Variants in CNTN6 observed in about 807,000 individuals in gnomAD.
CNTN6 encodes contactin-6.
CNTN6 carries 137 observed loss-of-function variants against 122.8 expected under a neutral mutation model. The ratio of observed to expected loss-of-function variants is 1.12; its 90% CI spans 0.97 to 1.29. The LOEUF is 1.29. Among genes scored for constraint, CNTN6 ranks in the 50% most tolerant of loss-of-function variants. The pLI is 0.00. For synonymous variants in CNTN6, 570 were observed against 426.0 expected (o/e 1.34, Z -4.16); for missense variants, 1,634 against 1,223.4 (o/e 1.34, Z -5.01).
chr3:1,322,590 AC>A (rs1258112006), intron 8 of CNTN6, among the ~76,000 whole-genome samples: 16 of 151,658 alleles, frequency 1.1e-4, no homozygotes, highest in Non-Finnish European at 2.2e-4. Context: ...TTCCTATGTG[AC>A]ATGTTTATAA....
chr3:1,181,112 CT>C (rs200132867), intron 2 of CNTN6, among the ~76,000 whole-genome samples: 1 of 152,022 alleles, frequency 6.6e-6, no homozygotes, highest in Non-Finnish European at 1.5e-5. Flanking sequence ...AGTGTATGAC[CT>C]TTTTTCCCCT....
chr3:1,393,408 G>A (rs1460614450), intron 20 of CNTN6, among the ~76,000 whole-genome samples: 1 of 120,404 alleles, frequency 8.3e-6, no homozygotes, highest in Non-Finnish European at 1.7e-5. Context: ...GGACTGTGGT[G>A]AGGTGGGGGG....
In CNTN6 at chr3:1,385,734, G is replaced by A; in HGVS notation, c.2641G>A (p.Ala881Thr). The A allele has an allele frequency of 6.2e-7, 1 of 1,614,094 alleles. No homozygotes were observed. Among genetic ancestry groups the A allele is most frequent in the South Asian group, 1.1e-5 (1 of 91,078 alleles). Residue 881 changes from alanine to threonine, a missense_variant, in exon 20 of 23, where the codon GCT (alanine) becomes ACT (threonine). Coordinates refer to ENST00000446702, the MANE Select transcript of CNTN6 (RefSeq NM_001289080.2). ...ANTIYFASVR[A>T]YNTAGTGPSS... ...TACCATCTACTTTGCTTCCGTAAGA[G>A]CTTACAACACTGCTGGGACAGGGCC... is the stretch of plus-strand genomic sequence containing the variant.
chr3:1,156,673 TCCTTCCTTTCCC>T (rs923611411), intron 2 of CNTN6, among the ~76,000 whole-genome samples: 49 of 101,406 alleles, frequency 4.8e-4, no homozygotes, highest in African/African-American at 2.7e-3. Context: ...CTTCCTTCCT[TCCTTCCTTTCCC>T]TCCCTCCCTT....
intron 1 of CNTN6, among the ~76,000 whole-genome samples, chr3:1,106,306 C>T (rs146848841): frequency 8.5e-4 from 130 of 152,206 alleles, no homozygotes; most frequent in African/African-American, 3.0e-3. Context: ...ATAGTCAGAA[C>T]AAGAAAGAAC....
chr3:1,252,467 A>T (rs1283630137), intron 4 of CNTN6, among the ~76,000 whole-genome samples: 1 of 152,272 alleles, frequency 6.6e-6, no homozygotes, highest in African/African-American at 2.4e-5. Context: ...TTCTTCTAAA[A>T]TTTTTTCTTA....
At chr3:1,099,995 G>A (rs938797325) in intron 1 of CNTN6, among the ~76,000 whole-genome samples, 1 of 152,046 alleles carries the variant, frequency 6.6e-6, no homozygotes, top group African/African-American at 2.4e-5. Flanking sequence ...ACAATGACTT[G>A]TTTAAATTTA....
At chr3:1,252,175 T>G (rs1298499800) in intron 4 of CNTN6, among the ~76,000 whole-genome samples, 1 of 152,206 alleles carries the variant, frequency 6.6e-6, no homozygotes, top group African/African-American at 2.4e-5. Flanking sequence ...TTGCCTAGCT[T>G]GCCTTTCCCT....
intron 11 of CNTN6, among the ~76,000 whole-genome samples, chr3:1,348,045 C>A (rs979714153): frequency 4.0e-5 from 6 of 150,904 alleles, no homozygotes; most frequent in African/African-American, 1.5e-4. Context: ...TGAAAGCCTA[C>A]CTATTGACTG....
At chr3:1,114,123 G>A (rs1368693733) in intron 1 of CNTN6, among the ~76,000 whole-genome samples, 1 of 152,166 alleles carries the variant, frequency 6.6e-6, no homozygotes, top group Non-Finnish European at 1.5e-5. Context: ...TACACTCTTC[G>A]GTTCTGTGTG....
At chr3:1,199,174 G>GATT (rs2093823598) in intron 2 of CNTN6, among the ~76,000 whole-genome samples, 1 of 109,062 alleles carries the variant, frequency 9.2e-6, no homozygotes, top group Non-Finnish European at 1.9e-5. Context: ...GACAATATAT[G>GATT]CTTTTTTTTT....
chr3:1,379,018 A>C (rs568391633), intron 17 of CNTN6, among the ~76,000 whole-genome samples: 1 of 152,184 alleles, frequency 6.6e-6, no homozygotes, highest in Non-Finnish European at 1.5e-5. Flanking sequence ...CCAAATAAGC[A>C]TTATCATCAT....
At position 1,305,605 on chromosome 3, in the gene CNTN6, T is replaced by A. The variant is rs186173968; in HGVS notation, c.761+7614T>A. On this transcript the variant is annotated intron_variant, in intron 7 of 22. Transcript: ENST00000446702. ...TATGGGCTCTTGCTGAGTGAAGAAA[T>A]TAAACTGATATCCCCCATAACTCTA... Among the ~76,000 whole-genome samples, 11 of 152,274 alleles carry A rather than the reference T, an allele frequency of 7.2e-5. No homozygotes were observed. In the East Asian group the frequency reaches 2.1e-3, roughly 29 times the overall value.
chr3:1,220,401 A>G (rs1033470159), intron 2 of CNTN6, among the ~76,000 whole-genome samples: 1 of 152,082 alleles, frequency 6.6e-6, no homozygotes, highest in Admixed American at 6.6e-5. Flanking sequence ...GGACCTGAAG[A>G]TTAGCTGCTT....
At position 1,338,391 on chromosome 3, in the gene CNTN6, C is replaced by T. The variant is rs891351234; in HGVS notation, c.1364+8456C>T. Among the ~76,000 whole-genome samples the T allele has an allele frequency of 1.2e-4, 18 of 152,120 alleles. 1 individual carries two copies. Among genetic ancestry groups the T allele is most frequent in the African/African-American group, 2.7e-4 (11 of 41,506 alleles). ...AGTAGGTGTGGAATAGGTTAAGGAA[C>T]CTGAATTTGTGTAAGTTCACTCCCT... On this transcript the variant is annotated intron_variant, in intron 11 of 22. Transcript: ENST00000446702.
chr3:1,274,981 T>C lies in CNTN6; in HGVS notation c.359-3432T>C, dbSNP rs531949059. Among the ~76,000 whole-genome samples, 4 of 147,530 alleles carry C rather than the reference T, an allele frequency of 2.7e-5. No homozygotes were observed. In the East Asian group the frequency reaches 7.7e-4, roughly 28 times the overall value. On this transcript the variant is annotated intron_variant, in intron 4 of 22. Transcript: ENST00000446702. The stretch of plus-strand genomic sequence containing the variant: ...AACGCCCCCACCCAAATCAGTTTGA[T>C]TGAAAAATTTGAAACCAGCACCAAA...
chr3:1,251,292 C>A (rs1159433949), intron 4 of CNTN6, among the ~76,000 whole-genome samples: 1 of 152,076 alleles, frequency 6.6e-6, no homozygotes, highest in Admixed American at 6.6e-5. Context: ...GATTTTCAAC[C>A]TTCCCAAATT....
At chr3:1,239,815 C>T (rs2136145) in intron 4 of CNTN6, among the ~76,000 whole-genome samples, 45,352 of 151,778 alleles carry the variant, frequency 0.3, 6,952 homozygotes, top group East Asian at 0.43. Flanking sequence ...GGTACTGTTA[C>T]AAAAATAGGC....
At chr3:1,281,843 G>T (rs997049676) in intron 5 of CNTN6, among the ~76,000 whole-genome samples, 2 of 152,150 alleles carry the variant, frequency 1.3e-5, no homozygotes, top group African/African-American at 4.8e-5. Flanking sequence ...CAGCAAGGGA[G>T]AAATCATGTT....
Sources: gnomAD v4.1 joint callset for allele counts (sites outside exome capture counted in the v4.1 genomes callset) on GRCh38, gnomAD v4.1.1 for gene constraint, MANE v1.5 for transcripts, NCBI Gene and HGNC (gene_info 2026-07-23, HGNC 2026-07-21) for gene names.